Variants in KCNIP4 observed in about 807,000 individuals in gnomAD.
KCNIP4 encodes the protein Kv channel-interacting protein 4.
Under a neutral mutation model 34.0 loss-of-function variants are expected in KCNIP4, and 12 were observed. The ratio of observed to expected loss-of-function variants is 0.35; its 90% CI spans 0.23 to 0.57. The LOEUF (loss-of-function observed/expected upper bound fraction) is 0.57, where lower values mean the gene tolerates loss of function less well. Ranked by LOEUF, KCNIP4 falls within the 20% of genes least tolerant of loss-of-function variation. The pLI is 0.83. For missense variants in KCNIP4, 238 were observed against 311.7 expected, an observed-to-expected ratio of 0.76 and a Z score of 1.78; for synonymous variants, 124 against 102.2, an observed-to-expected ratio of 1.21 and a Z score of -1.29.
At chr4:21,596,850 T>C (rs1361773140) in intron 1 of KCNIP4, among the ~76,000 whole-genome samples, 1 of 151,916 alleles carries the variant, frequency 6.6e-6, no homozygotes, top group Non-Finnish European at 1.5e-5. Flanking sequence ...AAGATATTTG[T>C]AAAGAAGAAA....
chr4:21,864,624 T>C (rs576612378), intron 1 of KCNIP4, among the ~76,000 whole-genome samples: 2 of 152,224 alleles, frequency 1.3e-5, no homozygotes, highest in African/African-American at 4.8e-5. Flanking sequence ...TATTTTTCAA[T>C]TGATGAGGGA....
intron 1 of KCNIP4, among the ~76,000 whole-genome samples, chr4:21,484,553 G>T (rs1209111708): frequency 6.6e-6 from 1 of 152,138 alleles, no homozygotes. Context: ...CAGGTTATAG[G>T]CATACACTGT....
intron 1 of KCNIP4, among the ~76,000 whole-genome samples, chr4:21,264,341 G>T (rs140358449): frequency 2.0e-5 from 3 of 152,248 alleles, no homozygotes; most frequent in Non-Finnish European, 4.4e-5. Context: ...GATATGCCAA[G>T]TATGCACTTG....
At chr4:21,069,539 A>C (rs925712190) in intron 1 of KCNIP4, among the ~76,000 whole-genome samples, 2 of 152,112 alleles carry the variant, frequency 1.3e-5, no homozygotes, top group African/African-American at 4.8e-5. Context: ...ACTTGCCCGG[A>C]GAAGAGGCCT....
intron 1 of KCNIP4, among the ~76,000 whole-genome samples, chr4:21,938,416 G>C (rs1415947996): frequency 6.6e-6 from 1 of 152,162 alleles, no homozygotes; most frequent in African/African-American, 2.4e-5. Context: ...TTTTGTGAAA[G>C]AATCAATTGG....
At chr4:21,105,950 T>G (rs991341652) in intron 1 of KCNIP4, among the ~76,000 whole-genome samples, 1 of 151,476 alleles carries the variant, frequency 6.6e-6, no homozygotes, top group Non-Finnish European at 1.5e-5. Flanking sequence ...TGAAGCCCAC[T>G]TGATCATGGT....
At chr4:21,422,232 G>T (rs917731105) in intron 1 of KCNIP4, among the ~76,000 whole-genome samples, 3 of 140,912 alleles carry the variant, frequency 2.1e-5, no homozygotes, top group African/African-American at 8.1e-5. Flanking sequence ...GTCTCGCTTT[G>T]TCGCCCAGGC....
intron 1 of KCNIP4, among the ~76,000 whole-genome samples, chr4:21,328,241 C>T (rs945053422): frequency 1.3e-5 from 2 of 152,136 alleles, no homozygotes; most frequent in East Asian, 3.9e-4. Context: ...GTGTTGTGAT[C>T]TAAATTTTTG....
At chr4:21,319,468 T>C (rs969494143) in intron 1 of KCNIP4, among the ~76,000 whole-genome samples, 3 of 152,234 alleles carry the variant, frequency 2.0e-5, no homozygotes, top group Non-Finnish European at 4.4e-5. Flanking sequence ...AATCTTTTCC[T>C]AGAAACTCTT....
chr4:21,157,254 A>G (rs926139627), intron 1 of KCNIP4, among the ~76,000 whole-genome samples: 3 of 152,222 alleles, frequency 2.0e-5, no homozygotes, highest in Non-Finnish European at 4.4e-5. Flanking sequence ...TTAAATGTCT[A>G]CTATAATGCA....
At chr4:21,056,262 G>GT (rs1242563623) in intron 1 of KCNIP4, among the ~76,000 whole-genome samples, 10 of 151,914 alleles carry the variant, frequency 6.6e-5, no homozygotes, top group Non-Finnish European at 4.4e-5. Flanking sequence ...GAACTATTCT[G>GT]TATCTACAAA....
chr4:20,882,899 T>C (rs1488008907), intron 1 of KCNIP4, among the ~76,000 whole-genome samples, 190 bp from the exon 2 acceptor site: 3 of 152,146 alleles, frequency 2.0e-5, no homozygotes, highest in African/African-American at 7.2e-5. Context: ...GTTTTGTTTT[T>C]ATTTCTAAAT....
At chr4:21,269,317 G>C (rs1352041749) in intron 1 of KCNIP4, among the ~76,000 whole-genome samples, 1 of 152,200 alleles carries the variant, frequency 6.6e-6, no homozygotes, top group Non-Finnish European at 1.5e-5. Context: ...AAGTAAGTGT[G>C]ATGCGGACTA....
chr4:20,732,442 T>G (rs969612470), intron 7 of KCNIP4, among the ~76,000 whole-genome samples: 1 of 152,150 alleles, frequency 6.6e-6, no homozygotes, highest in Non-Finnish European at 1.5e-5. Context: ...AAAACAAAAC[T>G]TGTGAAACAT....
At chr4:21,368,733 C>T (rs1720047306) in intron 1 of KCNIP4, among the ~76,000 whole-genome samples, 1 of 147,316 alleles carries the variant, frequency 6.8e-6, no homozygotes, top group African/African-American at 2.7e-5. Context: ...CATATAGTAT[C>T]AATTTAATTA....
chr4:21,072,626 C>T (rs1334723410), intron 1 of KCNIP4, among the ~76,000 whole-genome samples: 1 of 152,110 alleles, frequency 6.6e-6, no homozygotes, highest in East Asian at 1.9e-4. Context: ...GTCTCTTTTG[C>T]TGTGCAGAAG....
chr4:20,827,113 C>T (rs1219884166), intron 3 of KCNIP4, among the ~76,000 whole-genome samples: 1 of 152,190 alleles, frequency 6.6e-6, no homozygotes, highest in Non-Finnish European at 1.5e-5. Context: ...GCCTAGCTTT[C>T]TAAGCATAGT....
At chr4:21,234,067 CAT>C (rs1395068846) in intron 1 of KCNIP4, among the ~76,000 whole-genome samples, 1 of 104,234 alleles carries the variant, frequency 9.6e-6, no homozygotes, top group Non-Finnish European at 1.7e-5. Context: ...ACATATATAA[CAT>C]AACATAACAT....
rs146416134 is a variant in KCNIP4 at position 21,772,869 on chromosome 4, G to T, written c.61+175702C>A. ...TTTTGTTAATTTTTTCAAAAAACTAGCTCCTGGATTTGTTTATTTCTTGGA... is the reference window on the plus strand; with the variant it reads ...TTTTGTTAATTTTTTCAAAAAACTATCTCCTGGATTTGTTTATTTCTTGGA... On this transcript the variant is annotated intron_variant, in intron 1 of 8. Coordinates refer to ENST00000382152, the MANE Select transcript of KCNIP4 (RefSeq NM_025221.6). 3.6e-4 allele frequency among the ~76,000 whole-genome samples: 55 copies of T among 152,176 alleles called. No individual in the cohort carries two copies. The East Asian group carries it at 9.9e-3, about 27-fold the overall frequency.
Sources: allele counts gnomAD v4.1 joint callset (sites outside exome capture counted in the v4.1 genomes callset), GRCh38; gene constraint gnomAD v4.1.1; transcripts MANE v1.5; gene names NCBI Gene and HGNC (gene_info 2026-07-23, HGNC 2026-07-21).